The following CRHBP variants were observed in gnomAD, a reference collection of about 807,000 sequenced individuals.
The protein encoded by CRHBP is corticotropin releasing hormone binding protein, also known as corticotropin-releasing hormone-binding protein.
In CRHBP, 19 loss-of-function variants were observed where a neutral mutation model predicts 34.9. The ratio of observed to expected loss-of-function variants is 0.55; its 90% CI spans 0.38 to 0.80. The LOEUF is 0.80. Ranked by LOEUF, CRHBP falls within the 30% of genes least tolerant of loss-of-function variation. The pLI, the probability that CRHBP is intolerant of heterozygous loss-of-function variation, is 0.00. For synonymous variants in CRHBP, 154 were observed against 153.4 expected, an observed-to-expected ratio of 1.00 and a Z score of -0.03; for missense variants, 328 against 409.2, an observed-to-expected ratio of 0.80 and a Z score of 1.71.
intron 2 of CRHBP, among the ~76,000 whole-genome samples, chr5:76,975,918 G>GTGTA (rs1237214347): frequency 1.8e-5 from 2 of 112,560 alleles, no homozygotes; most frequent in Admixed American, 1.8e-4. Context: ...ATATATATGT[G>GTGTA]TATATATATG....
At chr5:76,975,825 A>AAAAAAAAAAAAAAAAAAT in intron 2 of CRHBP, among the ~76,000 whole-genome samples, 1 of 61,846 alleles carries the variant, frequency 1.6e-5, no homozygotes, top group African/African-American at 9.1e-5. Context: ...AAAAAAAAAA[A>AAAAAAAAAAAAAAAAAAT]ATATATATAT....
chr5:76,962,820 A>G (rs1475152969), intron 5 of CRHBP, among the ~76,000 whole-genome samples: 1 of 152,122 alleles, frequency 6.6e-6, no homozygotes, highest in Non-Finnish European at 1.5e-5. Flanking sequence ...CAAAATTCTT[A>G]TTGTTAGAAA....
chr5:76,960,879 C>T (rs2150706924), intron 5 of CRHBP, among the ~76,000 whole-genome samples: 1 of 152,230 alleles, frequency 6.6e-6, no homozygotes, highest in East Asian at 1.9e-4. Flanking sequence ...ATTCTCCTGC[C>T]TCAGTCTCCT....
chr5:76,957,199 TA>T (rs533074745), intron 4 of CRHBP, among the ~76,000 whole-genome samples: 1 of 152,022 alleles, frequency 6.6e-6, no homozygotes, highest in Non-Finnish European at 1.5e-5. Context: ...AAAAGTTTAT[TA>T]AAAAAAGAAA....
intron 5 of CRHBP, among the ~76,000 whole-genome samples, chr5:76,961,771 G>A (rs186701430): frequency 1.4e-3 from 210 of 151,338 alleles, no homozygotes; most frequent in African/African-American, 4.9e-3. Context: ...TTGTTTTTTC[G>A]GAGACAGAGT....
chr5:76,953,262 C>T (rs752968262), intron 1 of CRHBP, 47 bp downstream of exon 1: 1 of 1,576,532 alleles, frequency 6.3e-7, no homozygotes, highest in Non-Finnish European at 8.7e-7. Context: ...TGCGTGTTAG[C>T]CCTAGGCGGC....
chr5:76,968,962 C>T lies in CRHBP; in HGVS notation c.*77C>T, dbSNP rs904657188. ...CATTGTGTATGATTTTGATGCACAA[C>T]TAGTTAAAAGCCTTTCATACCAGTC... On this transcript the variant is annotated 3_prime_UTR_variant, in exon 7 of 7. Transcript: ENST00000274368. The T allele has an allele frequency of 1.3e-6, 2 of 1,525,908 alleles. No homozygotes were observed. Among genetic ancestry groups the T allele is most frequent in the Non-Finnish European group, 1.8e-6 (2 of 1,118,148 alleles). The allele number at this position is 1,525,908 out of a possible 1,614,324, so 94.5% of individuals were successfully genotyped here.
chr5:76,965,008 A>C (rs938959469), intron 6 of CRHBP, among the ~76,000 whole-genome samples: 2 of 151,792 alleles, frequency 1.3e-5, no homozygotes, highest in African/African-American at 4.9e-5. Context: ...AAAGAAAAGA[A>C]TCAGGTAAAA....
At chr5:76,972,675 A>T (rs1450434099), downstream of CRHBP, among the ~76,000 whole-genome samples, 1 of 152,152 alleles carries the variant, frequency 6.6e-6, no homozygotes, top group Non-Finnish European at 1.5e-5. Flanking sequence ...CTCTTCTGCC[A>T]CTGTCTTCGA....
chr5:76,973,876 T>A (rs1177031689), downstream of CRHBP, among the ~76,000 whole-genome samples: 1 of 152,106 alleles, frequency 6.6e-6, no homozygotes, highest in Non-Finnish European at 1.5e-5. Context: ...CGATCTCAGC[T>A]CACTGCAATC....
chr5:76,971,425 C>T (rs944310920), downstream of CRHBP, among the ~76,000 whole-genome samples: 4 of 152,140 alleles, frequency 2.6e-5, no homozygotes, highest in African/African-American at 9.7e-5. Flanking sequence ...GCAAATATGC[C>T]ATTCTGGGTC....
intron 5 of CRHBP, among the ~76,000 whole-genome samples, chr5:76,961,249 A>T (rs963496615): frequency 2.0e-5 from 3 of 152,234 alleles, no homozygotes; most frequent in African/African-American, 7.2e-5. Flanking sequence ...ATCATTGAAC[A>T]GCAAGGAATA....
chr5:76,968,270 GC>G (rs1745891649), intron 6 of CRHBP, among the ~76,000 whole-genome samples: 1 of 139,748 alleles, frequency 7.2e-6, no homozygotes, highest in Non-Finnish European at 1.5e-5. Flanking sequence ...CCCACTAAAT[GC>G]CCCTTGCAAC....
At chr5:76,959,033 C>G in intron 5 of CRHBP, 144 bp downstream of exon 5, 1 of 808,808 alleles carries the variant, frequency 1.2e-6, no homozygotes, top group Non-Finnish European at 1.8e-6. Context: ...ATGTGTTTGC[C>G]CTAGCTGCTT....
chr5:76,970,539 T>C (rs989345261), downstream of CRHBP, among the ~76,000 whole-genome samples: 1 of 152,124 alleles, frequency 6.6e-6, no homozygotes, highest in African/African-American at 2.4e-5. Flanking sequence ...AATGGATGGA[T>C]GGATGGATGG....
intron 2 of CRHBP, 85 bp from the exon 3 acceptor site, chr5:76,953,944 T>A: frequency 6.7e-7 from 1 of 1,492,594 alleles, no homozygotes; most frequent in Non-Finnish European, 9.0e-7. Flanking sequence ...AGCCCGGGAA[T>A]GGGGCGCGCG....
chr5:76,956,113 C>G (rs1745664832), intron 4 of CRHBP, among the ~76,000 whole-genome samples: 1 of 152,184 alleles, frequency 6.6e-6, no homozygotes, highest in Non-Finnish European at 1.5e-5. Flanking sequence ...TCTCCAAAGT[C>G]TTGCTCTGAG....
intron 2 of CRHBP, 108 bp from the exon 3 acceptor site, chr5:76,953,921 C>T: frequency 7.3e-7 from 1 of 1,373,276 alleles, no homozygotes; most frequent in East Asian, 2.4e-5. Flanking sequence ...AGTCGGGGCG[C>T]TGGGCACTAC....
chr5:76,957,381 A>G (rs1484830893), intron 4 of CRHBP, among the ~76,000 whole-genome samples: 3 of 152,126 alleles, frequency 2.0e-5, no homozygotes, highest in Non-Finnish European at 4.4e-5. Context: ...TAGACTAATT[A>G]ATGTATTGTA....
Sources: gnomAD v4.1 joint callset for allele counts (sites outside exome capture counted in the v4.1 genomes callset) on GRCh38, gnomAD v4.1.1 for gene constraint, MANE v1.5 for transcripts, NCBI Gene and HGNC (gene_info 2026-07-23, HGNC 2026-07-21) for gene names.